Variants in RNF6 observed in about 807,000 individuals in gnomAD.
The protein encoded by RNF6 is ring finger protein 6, also known as E3 ubiquitin-protein ligase RNF6.
A neutral mutation model predicts 50.1 loss-of-function variants in RNF6; 21 were observed. The observed-to-expected ratio is 0.42, with a 90% CI of 0.30 to 0.60. RNF6 has a LOEUF of 0.60. RNF6 is among the 20% of genes least tolerant of loss of function. The pLI is 0.20. For synonymous variants in RNF6, 255 were observed against 291.8 expected (o/e 0.87, Z 1.29); for missense variants, 698 against 838.2 (o/e 0.83, Z 2.07).
intron 5 of RNF6, among the ~76,000 whole-genome samples, chr13:26,133,329 T>A (rs549531644): frequency 1.6e-4 from 24 of 152,312 alleles, no homozygotes; most frequent in African/African-American, 5.8e-4. Context: ...TTTGTTTGGA[T>A]TTATCTCTTT....
At chr13:26,218,464 A>G in intron 4 of RNF6, 47 bp downstream of exon 4, 1 of 1,428,178 alleles carries the variant, frequency 7.0e-7, no homozygotes, top group Non-Finnish European at 9.9e-7. Context: ...TCATTTCTGC[A>G]AGTGCTCCAA....
chr13:26,196,636 A>AAAAT (rs57251514), intron 5 of RNF6, among the ~76,000 whole-genome samples: 10,217 of 151,198 alleles, frequency 0.068, 499 homozygotes, highest in South Asian at 0.11. Context: ...CTTTCTCCAA[A>AAAAT]AAATAAATAA....
Position 26,214,245 on chromosome 13 carries a change from C to T in RNF6, c.1637G>A (p.Ser546Asn). 2 of 1,614,188 alleles carry T rather than the reference C, an allele frequency of 1.2e-6. No homozygotes were observed. Among genetic ancestry groups the T allele is most frequent in the Non-Finnish European group, 1.7e-6 (2 of 1,180,038 alleles). ...CTCGTTTTCACCATGCATTTCAGTGCTGTCTCCTTGGGCCTGCCTGTCTTG... is the reference window on the plus strand; with the variant it reads ...CTCGTTTTCACCATGCATTTCAGTGTTGTCTCCTTGGGCCTGCCTGTCTTG... ...SSQDRQAQGD[S>N]TEMHGENETT... The change falls in exon 5 of 5, where the codon AGC (serine) becomes AAC (asparagine). Residue 546 changes from serine (S) to asparagine (N), a missense_variant. Ser to Asn is a conservative substitution (Grantham distance 46, BLOSUM62 1). Coordinates refer to ENST00000381588, the MANE Select transcript of RNF6 (RefSeq NM_005977.4).
At chr13:26,187,384 G>C (rs1198922598) in intron 5 of RNF6, among the ~76,000 whole-genome samples, 1 of 152,238 alleles carries the variant, frequency 6.6e-6, no homozygotes, top group Non-Finnish European at 1.5e-5. Context: ...GGGATGTCCA[G>C]TGTGAGAATG....
At chr13:26,205,819 G>C (rs1004228846) in intron 5 of RNF6, among the ~76,000 whole-genome samples, 1 of 152,140 alleles carries the variant, frequency 6.6e-6, no homozygotes, top group Non-Finnish European at 1.5e-5. Flanking sequence ...TTTGAGACCA[G>C]CCTGTCACAT....
intron 5 of RNF6, among the ~76,000 whole-genome samples, chr13:26,192,166 A>G (rs1335754175): frequency 1.3e-5 from 2 of 152,230 alleles, no homozygotes; most frequent in Non-Finnish European, 2.9e-5. Context: ...AAGTTGCATT[A>G]TATGATTTAC....
At chr13:26,135,048 T>A (rs979936026) in intron 5 of RNF6, among the ~76,000 whole-genome samples, 16 of 152,168 alleles carry the variant, frequency 1.1e-4, no homozygotes, top group African/African-American at 3.9e-4. Flanking sequence ...AGGCAGGGGA[T>A]GAATTATCTT....
chr13:26,155,068 CT>C (rs1380626830), intron 5 of RNF6, among the ~76,000 whole-genome samples: 2 of 151,818 alleles, frequency 1.3e-5, no homozygotes, highest in East Asian at 3.9e-4. Context: ...CCTAATCAAC[CT>C]CTGTCTTATA....
At chr13:26,187,881 A>C (rs1339175482) in intron 5 of RNF6, among the ~76,000 whole-genome samples, 1 of 152,092 alleles carries the variant, frequency 6.6e-6, no homozygotes, top group African/African-American at 2.4e-5. Flanking sequence ...GTGCCACCAC[A>C]CCTGGTTCCT....
In RNF6 at chr13:26,185,980, C is replaced by T. The variant is rs530513844; in HGVS notation, n.768+29494G>A. Among the ~76,000 whole-genome samples, 67 of 152,238 alleles carry T rather than the reference C, an allele frequency of 4.4e-4. No homozygotes were observed. The Middle Eastern group carries it at 0.02, about 46-fold the overall frequency. On this transcript the variant is annotated intron_variant and non_coding_transcript_variant, in intron 5 of 5. Coordinates refer to the RNF6 transcript ENST00000468480. ...AGTAAGAGGCAAAAGAGCCATAGCCCCTCCCACCCCGTGCCCTTATGAAAC... is the reference window on the plus strand; with the variant it reads ...AGTAAGAGGCAAAAGAGCCATAGCCTCTCCCACCCCGTGCCCTTATGAAAC...
At chr13:26,158,881 G>C (rs1285630178) in intron 5 of RNF6, among the ~76,000 whole-genome samples, 1 of 151,984 alleles carries the variant, frequency 6.6e-6, no homozygotes, top group Admixed American at 6.6e-5. Context: ...ATTCCTATTT[G>C]AACTTCTTTT....
intron 5 of RNF6, among the ~76,000 whole-genome samples, chr13:26,206,189 C>G (rs572959316): frequency 5.9e-5 from 9 of 152,100 alleles, no homozygotes; most frequent in Middle Eastern, 3.4e-3. Flanking sequence ...GCCTCCCCCC[C>G]ACCACCCTCC....
intron 5 of RNF6, among the ~76,000 whole-genome samples, chr13:26,199,320 T>C (rs1406854505): frequency 6.6e-6 from 1 of 152,200 alleles, no homozygotes; most frequent in Non-Finnish European, 1.5e-5. Context: ...GATATCCATA[T>C]GCAGACAAAC....
chr13:26,219,131 A>C (rs1397968569), intron 3 of RNF6, among the ~76,000 whole-genome samples: 1 of 152,190 alleles, frequency 6.6e-6, no homozygotes. Context: ...AAATGAGTTC[A>C]AATTGGGTTT....
intron 5 of RNF6, among the ~76,000 whole-genome samples, chr13:26,134,694 A>G (rs1322402882): frequency 1.3e-5 from 2 of 152,134 alleles, no homozygotes; most frequent in East Asian, 3.9e-4. Context: ...TATAATGCCC[A>G]AAGTTGTTTG....
chr13:26,142,858 G>A (rs745994410), intron 5 of RNF6, among the ~76,000 whole-genome samples: 1 of 152,070 alleles, frequency 6.6e-6, no homozygotes, highest in Admixed American at 6.6e-5. Context: ...TGCACATGTA[G>A]CCCCTGAATC....
chr13:26,195,809 C>CACAT (rs765180116), intron 5 of RNF6, among the ~76,000 whole-genome samples: 14 of 152,314 alleles, frequency 9.2e-5, no homozygotes, highest in South Asian at 6.2e-4. Context: ...CACCCACACA[C>CACAT]ACATACATAC....
rs189265831 is a variant in RNF6, at chr13:26,138,052, C to G, written n.769-5601G>C. Among the ~76,000 whole-genome samples the G allele has an allele frequency of 4.6e-5, 7 of 152,150 alleles. No individual in the cohort carries two copies. The East Asian group carries it at 9.7e-4, about 21-fold the overall frequency. ...ATACTCAAAGAGATGCACACCTAAA[C>G]AAATTGTAATCAAACTACTGAAAGG... On this transcript the variant is annotated intron_variant and non_coding_transcript_variant, in intron 5 of 5. Coordinates refer to the RNF6 transcript ENST00000468480.
chr13:26,221,920 G>A (rs188963414), intron 1 of RNF6, 83 bp downstream of exon 1: 2 of 152,694 alleles, frequency 1.3e-5, no homozygotes, highest in East Asian at 1.9e-4. Context: ...TCGGAGAAGA[G>A]ATGGGTGGCT....
Sources: allele counts gnomAD v4.1 joint callset (sites outside exome capture counted in the v4.1 genomes callset), GRCh38; gene constraint gnomAD v4.1.1; transcripts MANE v1.5; gene names NCBI Gene and HGNC (gene_info 2026-07-23, HGNC 2026-07-21).